Variants in FAM169A observed in about 807,000 individuals in gnomAD.
FAM169A encodes soluble lamin-associated protein of 75 kDa.
A neutral mutation model predicts 75.7 loss-of-function variants in FAM169A; 24 were observed. That is an observed-to-expected ratio of 0.32 (90% CI 0.23 to 0.45). The LOEUF is 0.45. Among genes scored for constraint, FAM169A ranks in the 20% least tolerant of loss-of-function variants. The pLI, the probability that FAM169A is intolerant of heterozygous loss-of-function variation, is 1.00. For missense variants in FAM169A, 673 were observed against 784.0 expected (o/e 0.86, Z 1.69); for synonymous variants, 271 against 271.0 (o/e 1.00, Z 0.00).
At chr5:74,804,440 T>C in intron 8 of FAM169A, 53 bp downstream of exon 8, 2 of 917,690 alleles carry the variant, frequency 2.2e-6, no homozygotes, top group Non-Finnish European at 3.2e-6. Flanking sequence ...ATCTATTTTT[T>C]AAAAACACAA....
intron 5 of FAM169A, among the ~76,000 whole-genome samples, chr5:74,823,029 T>C (rs1747841571): frequency 2.0e-5 from 3 of 152,218 alleles, no homozygotes; most frequent in African/African-American, 4.8e-5. Flanking sequence ...CCTGAACTAC[T>C]AAAACAGCTC....
chr5:74,797,221 C>G (rs1379015483), intron 10 of FAM169A, among the ~76,000 whole-genome samples: 1 of 152,138 alleles, frequency 6.6e-6, no homozygotes, highest in African/African-American at 2.4e-5. Context: ...CTGTCACCTA[C>G]GCTGGAGTGC....
chr5:74,832,399 TAAAC>T (rs1748360686), intron 5 of FAM169A, among the ~76,000 whole-genome samples: 1 of 151,862 alleles, frequency 6.6e-6, no homozygotes, highest in Admixed American at 6.6e-5. Flanking sequence ...TTTGACCTCA[TAAAC>T]AAAGTCTCCT....
Position 74,804,908 on chromosome 5 carries a change from C to A in FAM169A, c.799+248G>T, listed in dbSNP as rs561441972. Among the ~76,000 whole-genome samples, 14 of 152,244 alleles carry A rather than the reference C, an allele frequency of 9.2e-5. No individual in the cohort carries two copies. In the South Asian group the frequency reaches 2.9e-3, roughly 32 times the overall value. On this transcript the variant is annotated intron_variant, in intron 7 of 12. Transcript: ENST00000687041. ...TAATCTACGTTTATTTCTTACCCAC[C>A]AATTCCTACTGGGCTGTTCTAGGTC...
chr5:74,844,952 C>T (rs1749075468), intron 1 of FAM169A, among the ~76,000 whole-genome samples: 1 of 152,166 alleles, frequency 6.6e-6, no homozygotes, highest in African/African-American at 2.4e-5. Flanking sequence ...ATAACCTCTT[C>T]AATTTTTATT....
At chr5:74,865,773 CA>C (rs1750296435) in intron 1 of FAM169A, 1 of 152,380 alleles carries the variant, frequency 6.6e-6, no homozygotes, top group Non-Finnish European at 1.5e-5. Flanking sequence ...CTCCCCAAGC[CA>C]AAGCAATCAG....
chr5:74,817,745 C>T (rs746600841), intron 5 of FAM169A, among the ~76,000 whole-genome samples: 2 of 152,072 alleles, frequency 1.3e-5, no homozygotes, highest in Non-Finnish European at 2.9e-5. Context: ...ATTCACACTT[C>T]CAAATTTCAA....
chr5:74,823,332 G>C (rs2112611072), intron 5 of FAM169A, among the ~76,000 whole-genome samples: 1 of 152,188 alleles, frequency 6.6e-6, no homozygotes, highest in Non-Finnish European at 1.5e-5. Flanking sequence ...TGTTTACCAA[G>C]AATGTTCTTT....
At chr5:74,866,458 G>C, upstream of FAM169A, 2 of 854,536 alleles carry the variant, frequency 2.3e-6, no homozygotes, top group Non-Finnish European at 2.8e-6. Flanking sequence ...CCGCCCGCCA[G>C]CGCGGAGCGG....
chr5:74,863,170 A>C (rs1750131092), intron 1 of FAM169A, among the ~76,000 whole-genome samples: 1 of 152,180 alleles, frequency 6.6e-6, no homozygotes, highest in Non-Finnish European at 1.5e-5. Context: ...AAACTCCATG[A>C]GTCTAATAAG....
At chr5:74,820,385 A>G (rs917326067) in intron 5 of FAM169A, among the ~76,000 whole-genome samples, 1 of 152,166 alleles carries the variant, frequency 6.6e-6, no homozygotes, top group African/African-American at 2.4e-5. Flanking sequence ...TCAACTTACA[A>G]GTGACTCCAA....
chr5:74,860,208 A>G (rs1429939893), intron 1 of FAM169A, among the ~76,000 whole-genome samples: 2 of 152,238 alleles, frequency 1.3e-5, no homozygotes, highest in African/African-American at 4.8e-5. Context: ...AGTAGTAACT[A>G]CTGTTGATGG....
chr5:74,836,730 T>C (rs965618743), intron 4 of FAM169A, among the ~76,000 whole-genome samples: 2 of 152,108 alleles, frequency 1.3e-5, no homozygotes, highest in African/African-American at 4.8e-5. Flanking sequence ...GGTGGATCAC[T>C]TGTGGTCAAG....
intron 6 of FAM169A, among the ~76,000 whole-genome samples, chr5:74,805,694 C>A (rs1746841988): frequency 6.6e-6 from 1 of 151,086 alleles, no homozygotes; most frequent in Non-Finnish European, 1.5e-5. Flanking sequence ...CCATGCCTGG[C>A]CAATTTTTGT....
intron 5 of FAM169A, among the ~76,000 whole-genome samples, chr5:74,831,448 A>C (rs2112639536): frequency 6.6e-6 from 1 of 152,260 alleles, no homozygotes; most frequent in South Asian, 2.1e-4. Flanking sequence ...AATGAAAAAG[A>C]ATAGAGAGTA....
At chr5:74,827,191 T>C (rs1748075595) in intron 5 of FAM169A, among the ~76,000 whole-genome samples, 1 of 152,208 alleles carries the variant, frequency 6.6e-6, no homozygotes, top group Non-Finnish European at 1.5e-5. Flanking sequence ...TGTGTAAATT[T>C]ACCATTTTTC....
Position 74,783,146 on chromosome 5 carries a change from GGAGA to G in FAM169A, c.1261-16_1261-13del. The G allele has an allele frequency of 6.3e-7, 1 of 1,584,972 alleles. No homozygotes were observed. The highest frequency in any genetic ancestry group is 8.6e-7 in the Non-Finnish European group (1 of 1,160,628). Reference sequence around the variant, plus strand: ...TCTAATTCAGATTCCTACACCATGAGGAGAGAGGGAAAAAGTAAGGACATGATTA... The same window carrying G: ...TCTAATTCAGATTCCTACACCATGAGGAGGGAAAAAGTAAGGACATGATTA... On this transcript the variant is annotated splice_polypyrimidine_tract_variant and intron_variant, in intron 11 of 12. Coordinates refer to ENST00000687041, the MANE Select transcript of FAM169A (RefSeq NM_001376049.1).
intron 1 of FAM169A, among the ~76,000 whole-genome samples, chr5:74,863,928 C>A (rs1750168442): frequency 6.6e-6 from 1 of 152,180 alleles, no homozygotes; most frequent in South Asian, 2.1e-4. Context: ...AGACAGGTCA[C>A]CTGCAATCTC....
At chr5:74,801,497 GAC>G (rs1252527287) in intron 9 of FAM169A, 91 bp downstream of exon 9, 45 of 989,034 alleles carry the variant, frequency 4.5e-5, no homozygotes, top group Non-Finnish European at 2.1e-5. Context: ...TTCTCAGGGT[GAC>G]ACACCACACA....
Sources: allele counts gnomAD v4.1 joint callset (sites outside exome capture counted in the v4.1 genomes callset), GRCh38; gene constraint gnomAD v4.1.1; transcripts MANE v1.5; gene names NCBI Gene and HGNC (gene_info 2026-07-23, HGNC 2026-07-21).